ADAM10: variants seen among roughly 807,000 people sequenced by gnomAD.
ADAM10 encodes ADAM metallopeptidase domain 10, also known as disintegrin and metalloproteinase domain-containing protein 10.
In ADAM10, 17 loss-of-function variants were observed where a neutral mutation model predicts 90.1. The observed-to-expected ratio is 0.19, with a 90% CI of 0.13 to 0.28. The LOEUF is 0.28. ADAM10 is among the 10% of genes least tolerant of loss of function. The pLI, the probability that ADAM10 is intolerant of heterozygous loss-of-function variation, is 1.00. For missense variants in ADAM10, 610 were observed against 914.3 expected (o/e 0.67, Z 4.29); for synonymous variants, 310 against 298.6 (o/e 1.04, Z -0.40).
At chr15:58,688,892 G>C (rs2140767436) in intron 2 of ADAM10, among the ~76,000 whole-genome samples, 1 of 146,684 alleles carries the variant, frequency 6.8e-6, no homozygotes, top group Non-Finnish European at 1.5e-5. Flanking sequence ...TTGATGTACA[G>C]AGAGATAAAG....
In ADAM10 at chr15:58,639,898, A is replaced by T. The variant is rs539046786; in HGVS notation, c.1012+879T>A. On this transcript the variant is annotated intron_variant, in intron 8 of 15. Transcript: ENST00000260408. ...CTGGATAAAGCAGAAGTTTTTTTTA[A>T]AAAAAAAAACATAGAAATGAAGTAT... Among the ~76,000 whole-genome samples, 562 of 151,116 alleles carry T rather than the reference A, an allele frequency of 3.7e-3. 15 individuals carry two copies. The highest frequency in any genetic ancestry group is 1.5e-3 in the East Asian group (8 of 5,168).
At chr15:58,691,073 C>A (rs746410440) in intron 2 of ADAM10, 2 of 619,006 alleles carry the variant, frequency 3.2e-6, no homozygotes, top group Middle Eastern at 2.8e-4. Context: ...AAAATGCCTG[C>A]GCTTTCATGA....
At chr15:58,693,257 ACACGG>A (rs1897882260) in intron 2 of ADAM10, 2 of 564,646 alleles carry the variant, frequency 3.5e-6, no homozygotes, top group African/African-American at 3.7e-5. Context: ...TCCAAAATGC[ACACGG>A]CACCAAGGCT....
chr15:58,627,734 T>G lies in ADAM10; in HGVS notation c.1326A>C (p.Gln442His), dbSNP rs754114070. 6.2e-7 allele frequency: 1 copy of G among 1,613,398 alleles called. No homozygotes were observed. Among genetic ancestry groups the G allele is most frequent in the Non-Finnish European group, 8.5e-7 (1 of 1,179,498 alleles). Residue 442 changes from glutamine (Q) to histidine (H), a missense_variant, in exon 10 of 16, where the codon CAA (glutamine) becomes CAC (histidine). Gln to His is a conservative substitution (Grantham distance 24). This residue lies in a region of ADAM10 where 97 missense variants were observed against 221.4 expected (regional missense o/e 0.44). Coordinates refer to ENST00000260408, the MANE Select transcript of ADAM10 (RefSeq NM_001110.4). ...AGTTGTTTCTCTTCTTCTCAAGAACTTGGCTTATATTTCTAATACTACAGA... is the reference window on the plus strand; with the variant it reads ...AGTTGTTTCTCTTCTTCTCAAGAACGTGGCTTATATTTCTAATACTACAGA... ...FSLCSIRNIS[Q>H]VLEKKRNNCF...
At chr15:58,608,680 T>C (rs1275694682) in intron 14 of ADAM10, among the ~76,000 whole-genome samples, 5 of 152,210 alleles carry the variant, frequency 3.3e-5, no homozygotes, top group Admixed American at 3.3e-4. Flanking sequence ...CAATTCATTG[T>C]GAAACATTTC....
chr15:58,749,350 C>T, intron 1 of ADAM10, 130 bp downstream of exon 1: 1 of 1,162,158 alleles, frequency 8.6e-7, no homozygotes, highest in Non-Finnish European at 1.1e-6. Context: ...GAGCGCGGCC[C>T]GCCAGAGTGG....
chr15:58,613,689 G>C (rs11636831), intron 11 of ADAM10, among the ~76,000 whole-genome samples: 7,708 of 152,056 alleles, frequency 0.051, 230 homozygotes, highest in East Asian at 0.13. Flanking sequence ...CAGCAGACTT[G>C]ATCAAGCAAA....
intron 1 of ADAM10, among the ~76,000 whole-genome samples, chr15:58,731,528 TGAGGTG>T (rs1450080866): frequency 2.0e-5 from 3 of 152,082 alleles, no homozygotes; most frequent in Admixed American, 1.3e-4. Context: ...CTCAAGAGGC[TGAGGTG>T]GGAGAATCAC....
At chr15:58,685,385 C>T (rs1057158800) in intron 2 of ADAM10, among the ~76,000 whole-genome samples, 9 of 150,642 alleles carry the variant, frequency 6.0e-5, no homozygotes, top group Non-Finnish European at 1.3e-4. Flanking sequence ...GGCGTGAACC[C>T]GGGGGAGGCA....
intron 4 of ADAM10, among the ~76,000 whole-genome samples, chr15:58,665,540 AG>A: frequency 6.6e-6 from 1 of 152,100 alleles, no homozygotes; most frequent in South Asian, 2.1e-4. Flanking sequence ...ATCATCTGGC[AG>A]GGGTCAAGAG....
chr15:58,691,071 T>C (rs774390219), intron 2 of ADAM10: 4 of 616,720 alleles, frequency 6.5e-6, no homozygotes, highest in South Asian at 2.9e-5. Flanking sequence ...CCAAAATGCC[T>C]GCGCTTTCAT....
intron 3 of ADAM10, among the ~76,000 whole-genome samples, chr15:58,681,831 C>T (rs1389106098): frequency 6.6e-6 from 1 of 152,186 alleles, no homozygotes; most frequent in Admixed American, 6.5e-5. Context: ...ATCATCTTTA[C>T]TGTTTCCTTT....
chr15:58,670,280 C>A (rs557521036), intron 4 of ADAM10, among the ~76,000 whole-genome samples: 1 of 151,274 alleles, frequency 6.6e-6, no homozygotes, highest in East Asian at 1.9e-4. Context: ...ATTATTAAGT[C>A]AATATTTAAT....
chr15:58,610,842 A>C (rs1895418716), intron 13 of ADAM10, 157 bp downstream of exon 13: 3 of 684,672 alleles, frequency 4.4e-6, no homozygotes, highest in Non-Finnish European at 7.8e-6. Context: ...ATAATAATAG[A>C]GACACAATGC....
At chr15:58,656,792 G>A (rs1896839919) in intron 5 of ADAM10, among the ~76,000 whole-genome samples, 1 of 151,976 alleles carries the variant, frequency 6.6e-6, no homozygotes. Flanking sequence ...AATGAGTTTT[G>A]TACCATCATA....
chr15:58,746,703 G>C (rs1899803350), intron 1 of ADAM10, among the ~76,000 whole-genome samples: 1 of 152,184 alleles, frequency 6.6e-6, no homozygotes, highest in African/African-American at 2.4e-5. Context: ...TAGGGACGAG[G>C]AGTTTGAGAC....
chr15:58,620,089 A>G (rs1489934410), intron 11 of ADAM10, among the ~76,000 whole-genome samples: 1 of 152,140 alleles, frequency 6.6e-6, no homozygotes, highest in Non-Finnish European at 1.5e-5. Flanking sequence ...TTTTTCAGTT[A>G]CATCACACAT....
intron 5 of ADAM10, among the ~76,000 whole-genome samples, chr15:58,649,799 G>A (rs1252801984): frequency 6.6e-6 from 1 of 152,128 alleles, no homozygotes; most frequent in African/African-American, 2.4e-5. Flanking sequence ...CCTAATTACA[G>A]GGCTTAATGA....
intron 11 of ADAM10, among the ~76,000 whole-genome samples, chr15:58,617,922 T>C (rs1595995237): frequency 6.7e-6 from 1 of 148,234 alleles, no homozygotes; most frequent in Non-Finnish European, 1.5e-5. Context: ...ACACATTTCA[T>C]GTTCATGGAC....
Sources: allele counts gnomAD v4.1 joint callset (sites outside exome capture counted in the v4.1 genomes callset), GRCh38; gene constraint gnomAD v4.1.1; regional missense constraint gnomAD v4.1.1; transcripts MANE v1.5; gene names NCBI Gene and HGNC (gene_info 2026-07-23, HGNC 2026-07-21).